Variants in APLP2 observed in about 807,000 individuals in gnomAD.
APLP2 encodes CDEI box-binding protein.
Under a neutral mutation model 89.9 loss-of-function variants are expected in APLP2, and 53 were observed. That is an observed-to-expected ratio of 0.59 (90% confidence interval 0.47 to 0.74). APLP2 has a LOEUF of 0.74. APLP2 is among the 30% of genes least tolerant of loss of function. The probability of loss-of-function intolerance (pLI) is 0.00; values close to 1 mark genes in which losing one functional copy is unlikely to be tolerated. For missense variants in APLP2, 973 were observed against 975.9 expected, an observed-to-expected ratio of 1.00 and a Z score of 0.04; for synonymous variants, 372 against 348.6, an observed-to-expected ratio of 1.07 and a Z score of -0.75.
chr11:130,076,582 G>T (rs1942169921), intron 1 of APLP2, among the ~76,000 whole-genome samples: 1 of 152,090 alleles, frequency 6.6e-6, no homozygotes. Flanking sequence ...GTGTGATGGG[G>T]GTAAGATTGT....
At chr11:130,115,595 A>G (rs1949069891) in intron 3 of APLP2, among the ~76,000 whole-genome samples, 1 of 152,256 alleles carries the variant, frequency 6.6e-6, no homozygotes. Flanking sequence ...CAAAAACAGT[A>G]GAGCTTTATG....
At position 130,127,743 on chromosome 11, in the gene APLP2, G is replaced by A. The variant is rs201978720; in HGVS notation, c.1222-23G>A. ...TTTCGGGGTATTAATCACTGCTGAC[G>A]GCGTTTTTGACCTTTGTTCTAGGTA... On this transcript the variant is annotated intron_variant, in intron 8 of 16. Coordinates refer to ENST00000338167, the MANE Select transcript of APLP2 (RefSeq NM_001142276.2). The A allele has an allele frequency of 3.2e-5, 51 of 1,609,338 alleles. No individual in the cohort carries two copies. In the Admixed American group the frequency reaches 7.7e-4, roughly 24 times the overall value.
intron 13 of APLP2, chr11:130,139,163 C>G (rs1952033224): frequency 6.6e-6 from 1 of 152,198 alleles, no homozygotes; most frequent in South Asian, 2.1e-4. Flanking sequence ...TCGTGCAAGT[C>G]TTTAAAGTTG....
chr11:130,078,447 C>A (rs926589811), intron 1 of APLP2, among the ~76,000 whole-genome samples: 1 of 151,956 alleles, frequency 6.6e-6, no homozygotes, highest in African/African-American at 2.4e-5. Context: ...TGAAGAAGTT[C>A]TTAATTTTAA....
In APLP2 at chr11:130,133,613, A is replaced by G. The variant is rs930151854; in HGVS notation, c.1585-16A>G. On this transcript the variant is annotated splice_polypyrimidine_tract_variant and intron_variant, in intron 11 of 16. Transcript: ENST00000338167. Reference sequence around the variant, plus strand: ...TTTTCAGTCACAACACCTCTCCACCATAACTCTGCTTCCAGGTGATGACAC... The same window carrying G: ...TTTTCAGTCACAACACCTCTCCACCGTAACTCTGCTTCCAGGTGATGACAC... 1.2e-6 allele frequency: 2 copies of G among 1,604,292 alleles called. No homozygotes were observed. Among genetic ancestry groups the G allele is most frequent in the African/African-American group, 1.3e-5 (1 of 74,830 alleles).
chr11:130,103,584 AT>A (rs1195018720), intron 1 of APLP2, among the ~76,000 whole-genome samples: 2 of 152,128 alleles, frequency 1.3e-5, no homozygotes, highest in African/African-American at 4.8e-5. Flanking sequence ...TAAACTGAAC[AT>A]TTATACAGTT....
intron 1 of APLP2, among the ~76,000 whole-genome samples, chr11:130,076,956 G>A (rs950036569): frequency 2.0e-5 from 3 of 152,178 alleles, no homozygotes; most frequent in African/African-American, 7.2e-5. Context: ...ATGTGGCCAG[G>A]AGGAGGAGGG....
chr11:130,103,158 C>G (rs1947163380), intron 1 of APLP2, among the ~76,000 whole-genome samples: 1 of 152,154 alleles, frequency 6.6e-6, no homozygotes, highest in Non-Finnish European at 1.5e-5. Flanking sequence ...AAATGGACAG[C>G]ACATTAAATA....
intron 1 of APLP2, among the ~76,000 whole-genome samples, chr11:130,090,847 G>C (rs1944880512): frequency 6.6e-6 from 1 of 151,906 alleles, no homozygotes; most frequent in South Asian, 2.1e-4. Context: ...CGGCCGGGCA[G>C]AGGCGCCCCT....
chr11:130,122,597 TC>T, intron 6 of APLP2, 84 bp downstream of exon 6: 1 of 1,570,728 alleles, frequency 6.4e-7, no homozygotes, highest in South Asian at 1.2e-5. Flanking sequence ...CACAGGTAAG[TC>T]AGTCACAGAA....
At chr11:130,081,507 T>C (rs1943147444) in intron 1 of APLP2, among the ~76,000 whole-genome samples, 1 of 152,320 alleles carries the variant, frequency 6.6e-6, no homozygotes, top group South Asian at 2.1e-4. Context: ...TGATAACTGG[T>C]GCTTTTTTGG....
At chr11:130,112,141 G>A (rs1313209308) in intron 3 of APLP2, among the ~76,000 whole-genome samples, 2 of 152,138 alleles carry the variant, frequency 1.3e-5, no homozygotes, top group Admixed American at 1.3e-4. Flanking sequence ...GAGGCACCTC[G>A]GGGCATTGAA....
At chr11:130,074,714 C>A (rs934412208) in intron 1 of APLP2, among the ~76,000 whole-genome samples, 15 of 151,986 alleles carry the variant, frequency 9.9e-5, no homozygotes, top group Admixed American at 4.6e-4. Context: ...TTGTATATAC[C>A]CTTCTGTTAA....
chr11:130,089,763 C>T lies in APLP2; in HGVS notation c.106-19666C>T, dbSNP rs529721280. Among the ~76,000 whole-genome samples the T allele has an allele frequency of 9.9e-4, 151 of 152,362 alleles. 1 individual carries two copies. Among genetic ancestry groups the T allele is most frequent in the Admixed American group, 2.7e-3 (41 of 15,308 alleles). On this transcript the variant is annotated intron_variant, in intron 1 of 16. Coordinates refer to ENST00000338167, the MANE Select transcript of APLP2 (RefSeq NM_001142276.2). ...GAAGGCACTAACAAAGGGCCTGTTCCAGGCCTCGCTCTTGGCTTTTGGCAG... is the reference window on the plus strand; with the variant it reads ...GAAGGCACTAACAAAGGGCCTGTTCTAGGCCTCGCTCTTGGCTTTTGGCAG...
chr11:130,138,230 C>T (rs1375161949), intron 13 of APLP2, among the ~76,000 whole-genome samples: 1 of 152,118 alleles, frequency 6.6e-6, no homozygotes, highest in Non-Finnish European at 1.5e-5. Flanking sequence ...ACGGTGTTGC[C>T]CGGCTAAGAA....
rs1374684943 is a variant in APLP2, at chr11:130,143,374, C to T, written c.2182C>T (p.Arg728Cys). The T allele has an allele frequency of 1.5e-5, 24 of 1,613,952 alleles. No individual in the cohort carries two copies. The East Asian group carries it at 1.6e-4, about 10-fold the overall frequency. The change falls in exon 17 of 17, where the codon CGT becomes TGT. Residue 728 changes from arginine (R) to cysteine (C), a missense_variant. Physicochemically the swap from Arg to Cys is radical, Grantham distance 180 (BLOSUM62 -3). Coordinates refer to ENST00000338167, the MANE Select transcript of APLP2 (RefSeq NM_001142276.2). ...TGATCCAATGCTCACCCCAGAAGAG[C>T]GTCACCTGAACAAGATGCAGAACCA... ...EVDPMLTPEE[R>C]HLNKMQNHGY... is the part of the protein sequence containing the mutation.
At chr11:130,133,771 G>A in intron 12 of APLP2, 43 bp downstream of exon 12, 1 of 1,470,184 alleles carries the variant, frequency 6.8e-7, no homozygotes, top group Non-Finnish European at 9.5e-7. Context: ...GGGACTTCTT[G>A]CAGAGGCTCA....
In APLP2 at chr11:130,120,765, G is replaced by A. The variant is rs762726141; in HGVS notation, c.463G>A (p.Glu155Lys). The change falls in exon 4 of 17, where the codon GAG (glutamate) becomes AAG (lysine). Residue 155 changes from glutamate to lysine, a missense_variant. By Grantham distance (56) the Glu-to-Lys change is moderately conservative (BLOSUM62 1). Coordinates refer to ENST00000338167, the MANE Select transcript of APLP2 (RefSeq NM_001142276.2). ...AGAAAAGTGCCAGTTTTTCCACAAA[G>A]AGCGGATGGAGGTGTGTGAGAATCA... ...VPEKCQFFHKERMEVCENHQH... is the reference protein window; with the variant it reads ...VPEKCQFFHKKRMEVCENHQH... The A allele has an allele frequency of 5.6e-6, 9 of 1,613,990 alleles. No individual in the cohort carries two copies. The highest frequency in any genetic ancestry group is 7.6e-6 in the Non-Finnish European group (9 of 1,179,886).
chr11:130,122,718 A>G (rs1208629357), intron 6 of APLP2, among the ~76,000 whole-genome samples: 2 of 152,224 alleles, frequency 1.3e-5, no homozygotes, highest in African/African-American at 4.8e-5. Context: ...GGAGAGATGT[A>G]GGATTGAATT....
Sources: gnomAD v4.1 joint callset for allele counts (sites outside exome capture counted in the v4.1 genomes callset) on GRCh38, gnomAD v4.1.1 for gene constraint, MANE v1.5 for transcripts, NCBI Gene and HGNC (gene_info 2026-07-23, HGNC 2026-07-21) for gene names.